RASEF: variants seen among roughly 807,000 people sequenced by gnomAD.
RASEF encodes RAS and EF-hand domain containing.
Under a neutral mutation model 90.1 loss-of-function variants are expected in RASEF, and 68 were observed. The ratio of observed to expected loss-of-function variants is 0.75; its 90% CI spans 0.62 to 0.92. The LOEUF (loss-of-function observed/expected upper bound fraction) is 0.92. RASEF is among the 40% of genes least tolerant of loss of function. RASEF has a pLI of 0.00. For synonymous variants in RASEF, 331 were observed against 345.2 expected (o/e 0.96, Z 0.46); for missense variants, 949 against 937.2 (o/e 1.01, Z -0.16).
chr9:83,086,511 A>C, the RASEF span, among the ~76,000 whole-genome samples: 1 of 152,328 alleles, frequency 6.6e-6, no homozygotes, highest in African/African-American at 2.4e-5. Flanking sequence ...ACTATGTTTT[A>C]TACCAATTTA....
intron 16 of RASEF, 90 bp from the exon 17 acceptor site, chr9:82,982,872 G>A: frequency 1.3e-6 from 1 of 786,140 alleles, no homozygotes; most frequent in South Asian, 1.4e-5. Context: ...AGATGGTTCT[G>A]TAGAAATAAA....
In RASEF at chr9:83,000,643, C is replaced by T. The variant is rs563608234; in HGVS notation, c.1438-73G>A. 1.0e-5 allele frequency: 14 copies of T among 1,357,986 alleles called. No individual in the cohort carries two copies. In the South Asian group the frequency reaches 1.7e-4, roughly 16 times the overall value. The allele number at this position is 1,357,986 out of a possible 1,614,324, so 84.1% of individuals were successfully genotyped here. A position where few individuals can be genotyped will look rare whatever the true frequency, so the allele number is the denominator to read the frequency against. Reference sequence around the variant, plus strand: ...TAAAATACAAAGTCTAAAATGTATACATTATGGATTAAAAAGAAGAAAACT... The same window carrying T: ...TAAAATACAAAGTCTAAAATGTATATATTATGGATTAAAAAGAAGAAAACT... On this transcript the variant is annotated intron_variant, in intron 10 of 16. Coordinates refer to ENST00000376447, the MANE Select transcript of RASEF (RefSeq NM_152573.4).
chr9:83,049,254 T>G (rs369251564), intron 1 of RASEF: 2 of 953,554 alleles, frequency 2.1e-6, no homozygotes, highest in African/African-American at 1.8e-5. Context: ...ATCAGTACAT[T>G]TCTAAAATCG....
the RASEF span, among the ~76,000 whole-genome samples, chr9:83,117,479 A>G: frequency 6.6e-6 from 1 of 152,208 alleles, no homozygotes; most frequent in Non-Finnish European, 1.5e-5. Flanking sequence ...ATTGCTTTCC[A>G]TTAAGGTTCT....
intron 2 of RASEF, among the ~76,000 whole-genome samples, chr9:83,024,027 T>C (rs113735240): frequency 0.03 from 4,508 of 152,276 alleles, 206 homozygotes; most frequent in African/African-American, 0.1. Flanking sequence ...AACCCCTTCT[T>C]CAGGTGCAGT....
the RASEF span, among the ~76,000 whole-genome samples, chr9:83,119,155 A>G: frequency 4.0e-5 from 6 of 149,144 alleles, no homozygotes; most frequent in East Asian, 1.2e-3. Flanking sequence ...TTACAGGCAC[A>G]TGCCACCATG....
At chr9:83,192,471 C>T in the RASEF span, among the ~76,000 whole-genome samples, 2 of 152,084 alleles carry the variant, frequency 1.3e-5, no homozygotes, top group African/African-American at 2.4e-5. Context: ...AATCAAATAC[C>T]ACATGTTCTC....
In RASEF at chr9:83,031,698, G is replaced by A. The variant is rs562363870; in HGVS notation, c.432-5777C>T. 2.6e-5 allele frequency among the ~76,000 whole-genome samples: 4 copies of A among 152,308 alleles called. No individual in the cohort carries two copies. The South Asian group carries it at 8.3e-4, about 32-fold the overall frequency. ...AGATTTTTAAAAAATTACTTTGGAA[G>A]AGGACATGTTTTATTGCTACAAGGA... is the stretch of plus-strand genomic sequence containing the variant. On this transcript the variant is annotated intron_variant, in intron 1 of 16. Transcript: ENST00000376447.
intron 1 of RASEF, among the ~76,000 whole-genome samples, chr9:83,036,421 T>C (rs909778229): frequency 6.6e-6 from 1 of 152,214 alleles, no homozygotes; most frequent in African/African-American, 2.4e-5. Context: ...ACATGAAATA[T>C]GTACAGAAAA....
chr9:83,098,616 C>T, the RASEF span, among the ~76,000 whole-genome samples: 78,913 of 151,990 alleles, frequency 0.52, 21,192 homozygotes, highest in East Asian at 0.69. Flanking sequence ...ATACCCAAGA[C>T]TGAGTAATTT....
chr9:83,029,840 C>T lies in RASEF; in HGVS notation c.432-3919G>A, dbSNP rs532607193. ...TCTCTTTATTTGGTGGTATAAGACA[C>T]AGAAAACTGCCATTATCTTTCCCAT... is the stretch of plus-strand genomic sequence containing the variant. On this transcript the variant is annotated intron_variant, in intron 1 of 16. Transcript: ENST00000376447. Among the ~76,000 whole-genome samples the T allele has an allele frequency of 7.2e-5, 11 of 152,280 alleles. No homozygotes were observed. In the South Asian group the frequency reaches 2.1e-3, roughly 29 times the overall value.
At chr9:83,015,085 G>A (rs1829319079) in intron 4 of RASEF, among the ~76,000 whole-genome samples, 2 of 152,102 alleles carry the variant, frequency 1.3e-5, no homozygotes, top group Non-Finnish European at 2.9e-5. Flanking sequence ...CCCTAGATCT[G>A]GAATTTTCTA....
intron 1 of RASEF, among the ~76,000 whole-genome samples, chr9:83,036,988 T>G (rs1345347647): frequency 6.6e-6 from 1 of 152,138 alleles, no homozygotes; most frequent in African/African-American, 2.4e-5. Context: ...TACAGTGGTA[T>G]CATTAGCCAC....
chr9:83,148,033 G>A, the RASEF span, among the ~76,000 whole-genome samples: 1 of 151,880 alleles, frequency 6.6e-6, no homozygotes, highest in Non-Finnish European at 1.5e-5. Context: ...GGAGGCTATG[G>A]CAGGCCAAAA....
chr9:83,190,727 G>T, the RASEF span, among the ~76,000 whole-genome samples: 1 of 152,262 alleles, frequency 6.6e-6, no homozygotes, highest in East Asian at 1.9e-4. Context: ...ATACATAATT[G>T]CCGATGATGT....
chr9:83,155,045 C>A, the RASEF span, among the ~76,000 whole-genome samples: 8 of 152,278 alleles, frequency 5.3e-5, no homozygotes, highest in South Asian at 1.5e-3. Context: ...GTAAGAAAAA[C>A]AAGAGGCACA....
the RASEF span, among the ~76,000 whole-genome samples, chr9:83,138,813 T>A: frequency 6.6e-6 from 1 of 152,236 alleles, no homozygotes; most frequent in Non-Finnish European, 1.5e-5. Flanking sequence ...CCTTAGAAGC[T>A]TTATAAAAAA....
At chr9:83,154,308 G>A in the RASEF span, among the ~76,000 whole-genome samples, 1 of 152,144 alleles carries the variant, frequency 6.6e-6, no homozygotes, top group Non-Finnish European at 1.5e-5. Flanking sequence ...TGACTGGCTG[G>A]CACCCTCCTT....
At chr9:83,002,579 T>C (rs1829060965) in intron 9 of RASEF, among the ~76,000 whole-genome samples, 1 of 151,476 alleles carries the variant, frequency 6.6e-6, no homozygotes, top group Non-Finnish European at 1.5e-5. Context: ...CAATATATTA[T>C]TGCATTATTT....
Sources: allele counts gnomAD v4.1 joint callset (sites outside exome capture counted in the v4.1 genomes callset), GRCh38; gene constraint gnomAD v4.1.1; transcripts MANE v1.5; gene names NCBI Gene and HGNC (gene_info 2026-07-23, HGNC 2026-07-21).